Variants in PTPRN2 observed in about 807,000 individuals in gnomAD.
PTPRN2 encodes the protein protein tyrosine phosphatase receptor type N2.
Under a neutral mutation model 118.8 loss-of-function variants are expected in PTPRN2, and 74 were observed. The ratio of observed to expected loss-of-function variants is 0.62; its 90% CI spans 0.52 to 0.76. The LOEUF (loss-of-function observed/expected upper bound fraction) is 0.76. Among genes scored for constraint, PTPRN2 ranks in the 30% least tolerant of loss-of-function variants. The pLI is 0.00. For synonymous variants in PTPRN2, 641 were observed against 608.0 expected, an observed-to-expected ratio of 1.05 and a Z score of -0.80; for missense variants, 1,481 against 1,394.4, an observed-to-expected ratio of 1.06 and a Z score of -0.99.
At chr7:157,798,488 C>T (rs1805013908) in intron 12 of PTPRN2, among the ~76,000 whole-genome samples, 2 of 151,902 alleles carry the variant, frequency 1.3e-5, no homozygotes, top group Non-Finnish European at 2.9e-5. Flanking sequence ...AGCAGTGGCC[C>T]CTCCACACAC....
intron 21 of PTPRN2, among the ~76,000 whole-genome samples, chr7:157,567,136 C>T (rs1799525868): frequency 6.6e-6 from 1 of 152,130 alleles, no homozygotes; most frequent in Non-Finnish European, 1.5e-5. Flanking sequence ...GCTCCAATAG[C>T]TGTAAATTTG....
intron 3 of PTPRN2, among the ~76,000 whole-genome samples, chr7:158,266,152 G>T (rs1256998673): frequency 0.2 from 384 of 1,926 alleles, no homozygotes; most frequent in Non-Finnish European, 0.29. Flanking sequence ...GACGGCGTCT[G>T]CTGCGGGGTA....
chr7:158,307,570 A>G (rs1801392304), intron 3 of PTPRN2, among the ~76,000 whole-genome samples: 1 of 152,204 alleles, frequency 6.6e-6, no homozygotes, highest in Non-Finnish European at 1.5e-5. Flanking sequence ...ATGAATCTAC[A>G]TATCTAAGAC....
chr7:158,523,835 C>T (rs1367198817), intron 1 of PTPRN2, among the ~76,000 whole-genome samples: 1 of 51,500 alleles, frequency 1.9e-5, no homozygotes, highest in Non-Finnish European at 3.4e-5. Context: ...GGAGTGGAGT[C>T]GTCTACCCTG....
At chr7:158,547,833 A>G (rs1299282977) in intron 1 of PTPRN2, among the ~76,000 whole-genome samples, 1 of 152,196 alleles carries the variant, frequency 6.6e-6, no homozygotes, top group Non-Finnish European at 1.5e-5. Flanking sequence ...CTGTCCCAAT[A>G]TCAAGGCAAC....
intron 10 of PTPRN2, 149 bp downstream of exon 10, chr7:158,110,680 C>A (rs1403740255): frequency 4.1e-6 from 3 of 732,100 alleles, no homozygotes; most frequent in Non-Finnish European, 4.5e-6. Flanking sequence ...AAATAACTTA[C>A]CAAAGCTGCT....
intron 2 of PTPRN2, among the ~76,000 whole-genome samples, chr7:158,406,811 G>A (rs1813483178): frequency 6.6e-6 from 1 of 152,308 alleles, no homozygotes; most frequent in South Asian, 2.1e-4. Context: ...TTGTGTTTCG[G>A]CTCATTTCGT....
rs547671058 is a variant in PTPRN2, at chr7:158,103,494, C to G, written c.1643+7335G>C. ...GGCTGTGCCCATGGAGCAGCGATGT[C>G]CGAGGCAGGGCCCACTCTCTGGGCC... is the stretch of plus-strand genomic sequence containing the variant. On this transcript the variant is annotated intron_variant, in intron 10 of 22. Coordinates refer to ENST00000389418, the MANE Select transcript of PTPRN2 (RefSeq NM_002847.5). Among the ~76,000 whole-genome samples, 3 of 152,352 alleles carry G rather than the reference C, an allele frequency of 2.0e-5. No individual in the cohort carries two copies. In the East Asian group the frequency reaches 5.8e-4, roughly 29 times the overall value.
At chr7:157,750,723 A>G (rs1449691781) in intron 12 of PTPRN2, among the ~76,000 whole-genome samples, 1 of 152,228 alleles carries the variant, frequency 6.6e-6, no homozygotes, top group Non-Finnish European at 1.5e-5. Flanking sequence ...AGTGTCGAGT[A>G]CCCAGTGAGC....
At chr7:158,249,191 ACAT>A (rs1329188845) in intron 3 of PTPRN2, among the ~76,000 whole-genome samples, 1 of 152,076 alleles carries the variant, frequency 6.6e-6, no homozygotes, top group Non-Finnish European at 1.5e-5. Flanking sequence ...ACACGAACAC[ACAT>A]CACACACATG....
At chr7:157,713,640 A>G (rs1462459332) in intron 12 of PTPRN2, among the ~76,000 whole-genome samples, 1 of 152,220 alleles carries the variant, frequency 6.6e-6, no homozygotes, top group Non-Finnish European at 1.5e-5. Context: ...AGGCAAGCAC[A>G]CTGGTCTGCG....
At chr7:158,170,890 T>C (rs1406680039) in intron 5 of PTPRN2, among the ~76,000 whole-genome samples, 2 of 151,982 alleles carry the variant, frequency 1.3e-5, no homozygotes, top group African/African-American at 2.4e-5. Flanking sequence ...AGGATAATAA[T>C]AATAGTATCT....
At chr7:157,853,693 C>A (rs554443905) in intron 12 of PTPRN2, among the ~76,000 whole-genome samples, 7 of 152,250 alleles carry the variant, frequency 4.6e-5, no homozygotes, top group African/African-American at 1.4e-4. Flanking sequence ...GCCACACGTG[C>A]GGAGATGCTC....
At chr7:157,795,513 A>C (rs931305885) in intron 12 of PTPRN2, among the ~76,000 whole-genome samples, 1 of 152,264 alleles carries the variant, frequency 6.6e-6, no homozygotes, top group African/African-American at 2.4e-5. Flanking sequence ...TGTACTCGGC[A>C]GTCATTTATT....
rs1295765183 is a variant in PTPRN2, at chr7:157,874,212, C to T, written c.1788+24461G>A. On this transcript the variant is annotated intron_variant, in intron 12 of 22. Coordinates refer to ENST00000389418, the MANE Select transcript of PTPRN2 (RefSeq NM_002847.5). The surrounding 1 kb of genome is among the most constrained non-coding windows in gnomAD (Gnocchi z 5.8). ...GCCTCTGGCCTCCCTCTGTTTCCCC[C>T]TCCACAACTGGGCAGGCTGCTCCCT... Among the ~76,000 whole-genome samples the T allele has an allele frequency of 5.9e-5, 9 of 152,190 alleles. No homozygotes were observed. The highest frequency in any genetic ancestry group is 5.9e-4 in the Admixed American group (9 of 15,284).
At chr7:158,338,349 T>C (rs62481690) in intron 2 of PTPRN2, among the ~76,000 whole-genome samples, 545 of 1,942 alleles carry the variant, frequency 0.28, 110 homozygotes, top group Middle Eastern at 0.5. Context: ...GTCACTCACA[T>C]CCACACTCTC....
At chr7:157,904,978 A>G (rs1178382676) in intron 11 of PTPRN2, among the ~76,000 whole-genome samples, 1 of 152,076 alleles carries the variant, frequency 6.6e-6, no homozygotes, top group East Asian at 1.9e-4. Flanking sequence ...ACCTCCCGAC[A>G]TTATTCCTGC....
rs113733404 is a variant in PTPRN2, at chr7:158,151,313, G to A, written c.911-12798C>T. 3.9e-4 allele frequency among the ~76,000 whole-genome samples: 7 copies of A among 17,934 alleles called. 1 individual carries two copies. The highest frequency in any genetic ancestry group is 1.1e-3 in the African/African-American group (2 of 1,892). The allele number at this position is 17,934 out of a possible 152,430, so 11.8% of individuals were successfully genotyped here. A position where few individuals can be genotyped will look rare whatever the true frequency, so the allele number is the denominator to read the frequency against. ...GCTCCTGCCTCTCCCTGCCCACACCGCCCACCTTCTATTCCTGCCTCTCCC... is the reference window on the plus strand; with the variant it reads ...GCTCCTGCCTCTCCCTGCCCACACCACCCACCTTCTATTCCTGCCTCTCCC... On this transcript the variant is annotated intron_variant, in intron 6 of 22. Coordinates refer to ENST00000389418, the MANE Select transcript of PTPRN2 (RefSeq NM_002847.5).
rs564769881 is a variant in PTPRN2, at chr7:157,788,104, G to A, written c.1789-105167C>T. On this transcript the variant is annotated intron_variant, in intron 12 of 22. Transcript: ENST00000389418. ...AAAAAGCAGGGAAGAGGCTGGGCGC[G>A]GTGGCTCATGCCTGTAATCCCAGCA... Among the ~76,000 whole-genome samples the A allele has an allele frequency of 1.7e-3, 258 of 152,338 alleles. 1 individual carries two copies. Among genetic ancestry groups the A allele is most frequent in the Middle Eastern group, 0.014 (4 of 294 alleles).
Sources: gnomAD v4.1 joint callset for allele counts (sites outside exome capture counted in the v4.1 genomes callset) on GRCh38, gnomAD v4.1.1 for gene constraint, Gnocchi (gnomAD v3.1) non-coding constraint, MANE v1.5 for transcripts, NCBI Gene and HGNC (gene_info 2026-07-23, HGNC 2026-07-21) for gene names.